Variants in NSUN3 observed in about 807,000 individuals in gnomAD.
NSUN3 encodes NOP2/Sun RNA methyltransferase 3.
In NSUN3, 24 loss-of-function variants were observed where a neutral mutation model predicts 36.8. The observed-to-expected ratio is 0.65, with a 90% CI of 0.47 to 0.92. The LOEUF (loss-of-function observed/expected upper bound fraction) is 0.92, where lower values mean the gene tolerates loss of function less well. NSUN3 is among the 40% of genes least tolerant of loss of function. The pLI is 0.00. For synonymous variants in NSUN3, 146 were observed against 145.2 expected, an observed-to-expected ratio of 1.01 and a Z score of -0.04; for missense variants, 381 against 392.8, an observed-to-expected ratio of 0.97 and a Z score of 0.25.
chr3:94,101,592 T>A (rs1465532707), intron 5 of NSUN3, among the ~76,000 whole-genome samples: 1 of 152,146 alleles, frequency 6.6e-6, no homozygotes, highest in Non-Finnish European at 1.5e-5. Flanking sequence ...TAAAATTTTC[T>A]CACACATCTG....
chr3:94,095,803 G>A (rs2077336126), intron 5 of NSUN3, among the ~76,000 whole-genome samples: 1 of 152,048 alleles, frequency 6.6e-6, no homozygotes, highest in Non-Finnish European at 1.5e-5. Context: ...CTGGAGTGCA[G>A]TGGTGCAATC....
chr3:94,072,182 T>G (rs189843202), intron 2 of NSUN3, among the ~76,000 whole-genome samples: 23 of 152,280 alleles, frequency 1.5e-4, no homozygotes, highest in African/African-American at 4.8e-4. Context: ...CCACTTGCAC[T>G]AAGTGAGGGT....
At chr3:94,119,495 ATTAG>A (rs1468168213) in intron 5 of NSUN3, among the ~76,000 whole-genome samples, 1 of 152,172 alleles carries the variant, frequency 6.6e-6, no homozygotes, top group Admixed American at 6.5e-5. Flanking sequence ...ATCATCAGGC[ATTAG>A]TTAGATTCCG....
chr3:94,081,429 G>A (rs10433405), intron 2 of NSUN3, among the ~76,000 whole-genome samples: 27,783 of 152,070 alleles, frequency 0.18, 3,135 homozygotes, highest in Non-Finnish European at 0.24. Context: ...TTTTTTAATG[G>A]CTTCTCATCA....
At chr3:94,107,434 G>A (rs2077394798) in intron 5 of NSUN3, among the ~76,000 whole-genome samples, 1 of 151,672 alleles carries the variant, frequency 6.6e-6, no homozygotes, top group South Asian at 2.1e-4. Context: ...ACCACAGCAT[G>A]TGCCACCACA....
At chr3:94,078,558 T>C (rs1162490360) in intron 2 of NSUN3, among the ~76,000 whole-genome samples, 1 of 152,132 alleles carries the variant, frequency 6.6e-6, no homozygotes, top group Non-Finnish European at 1.5e-5. Flanking sequence ...CCCACTATTA[T>C]TGTGTGGGAG....
intron 5 of NSUN3, among the ~76,000 whole-genome samples, chr3:94,119,880 G>A (rs1293897458): frequency 2.0e-5 from 3 of 152,220 alleles, no homozygotes; most frequent in Non-Finnish European, 4.4e-5. Context: ...TTTTAAAAAG[G>A]CTTTGTGTTA....
intron 5 of NSUN3, among the ~76,000 whole-genome samples, chr3:94,105,555 G>C (rs946574291): frequency 6.6e-6 from 1 of 151,980 alleles, no homozygotes; most frequent in Non-Finnish European, 1.5e-5. Context: ...GGACATTGGC[G>C]TTCAAACTCT....
At chr3:94,092,806 C>T (rs1032201619) in intron 3 of NSUN3, among the ~76,000 whole-genome samples, 1 of 149,676 alleles carries the variant, frequency 6.7e-6, no homozygotes, top group African/African-American at 2.5e-5. Flanking sequence ...TGTAATCCCA[C>T]CTACTTGGGA....
chr3:94,093,756 T>C (rs2077326017), intron 3 of NSUN3, among the ~76,000 whole-genome samples: 1 of 152,232 alleles, frequency 6.6e-6, no homozygotes, highest in Admixed American at 6.5e-5. Flanking sequence ...ACCACCTGTG[T>C]TTACTCTTAA....
At chr3:94,103,844 G>T (rs949471305) in intron 5 of NSUN3, among the ~76,000 whole-genome samples, 1 of 152,176 alleles carries the variant, frequency 6.6e-6, no homozygotes, top group African/African-American at 2.4e-5. Context: ...CAAGAGCCTG[G>T]TAACTCTTTG....
At chr3:94,076,595 C>A in intron 2 of NSUN3, 1 of 878,128 alleles carries the variant, frequency 1.1e-6, no homozygotes, top group East Asian at 2.4e-5. Context: ...ATCTGAAGCA[C>A]TAAGTAAGTG....
At chr3:94,124,148 C>CTT (rs58987431) in intron 5 of NSUN3, among the ~76,000 whole-genome samples, 508 of 88,180 alleles carry the variant, frequency 5.8e-3, no homozygotes, top group Middle Eastern at 0.011. Context: ...TATTTTATTT[C>CTT]TTTTTTTTTT....
intron 2 of NSUN3, among the ~76,000 whole-genome samples, chr3:94,071,967 G>A (rs149708040): frequency 6.6e-6 from 1 of 152,182 alleles, no homozygotes; most frequent in African/African-American, 2.4e-5. Context: ...GTGGGGAGGA[G>A]AATGGAGGTC....
At chr3:94,065,722 G>T (rs1169381257) in intron 2 of NSUN3, among the ~76,000 whole-genome samples, 1 of 152,114 alleles carries the variant, frequency 6.6e-6, no homozygotes, top group African/African-American at 2.4e-5. Context: ...ATACTCGTGG[G>T]TTTTATTTCA....
rs7429051 is a variant in NSUN3, at chr3:94,070,232, C to T, written c.122+5686C>T. Reference sequence around the variant, plus strand: ...CCAAGGCAGGAGATTTGCTTGAGGGCGGGAAGATTGCTTGAGGACAAGAGT... The same window carrying T: ...CCAAGGCAGGAGATTTGCTTGAGGGTGGGAAGATTGCTTGAGGACAAGAGT... On this transcript the variant is annotated intron_variant, in intron 2 of 5. Transcript: ENST00000314622. Among the ~76,000 whole-genome samples the T allele has an allele frequency of 9.8e-3, 1,487 of 152,072 alleles. 69 individuals are homozygous for T. The East Asian group carries it at 0.13, about 13-fold the overall frequency.
intron 5 of NSUN3, among the ~76,000 whole-genome samples, chr3:94,117,543 A>C (rs1455729093): frequency 6.6e-6 from 1 of 152,136 alleles, no homozygotes; most frequent in African/African-American, 2.4e-5. Context: ...CACAAAATGC[A>C]TTTCAGCCTG....
At chr3:94,124,331 G>GC in intron 5 of NSUN3, among the ~76,000 whole-genome samples, 1 of 151,058 alleles carries the variant, frequency 6.6e-6, no homozygotes, top group South Asian at 2.1e-4. Context: ...TTCCCCATGT[G>GC]GTCCATGCTG....
intron 5 of NSUN3, among the ~76,000 whole-genome samples, chr3:94,125,586 T>C (rs2077482150): frequency 6.6e-6 from 1 of 152,264 alleles, no homozygotes; most frequent in Non-Finnish European, 1.5e-5. Flanking sequence ...CTTTCATATG[T>C]ATGCTTTGTT....
Sources: allele counts gnomAD v4.1 joint callset (sites outside exome capture counted in the v4.1 genomes callset), GRCh38; gene constraint gnomAD v4.1.1; transcripts MANE v1.5; gene names NCBI Gene and HGNC (gene_info 2026-07-23, HGNC 2026-07-21).